CSMD1: variants seen among roughly 807,000 people sequenced by gnomAD.
The protein encoded by CSMD1 is CUB and Sushi multiple domains 1, also known as CUB and sushi domain-containing protein 1.
CSMD1 carries 213 observed loss-of-function variants against 417.5 expected under a neutral mutation model. The ratio of observed to expected loss-of-function variants is 0.51; its 90% CI spans 0.46 to 0.57. The LOEUF (loss-of-function observed/expected upper bound fraction) is 0.57, where lower values mean the gene tolerates loss of function less well. Ranked by LOEUF, CSMD1 falls within the 20% of genes least tolerant of loss-of-function variation. The pLI, the probability that CSMD1 is intolerant of heterozygous loss-of-function variation, is 0.00. For missense variants in CSMD1, 6,923 were observed against 4,529.7 expected (o/e 1.53, Z -15.17); for synonymous variants, 2,862 against 1,736.8 (o/e 1.65, Z -16.11).
At chr8:4,179,732 G>A (rs1479322364) in intron 3 of CSMD1, among the ~76,000 whole-genome samples, 1 of 95,250 alleles carries the variant, frequency 1.0e-5, no homozygotes, top group Non-Finnish European at 2.0e-5. Context: ...AAATTTACAA[G>A]AAAAAAACAA....
At chr8:4,134,148 T>A (rs570606980) in intron 3 of CSMD1, among the ~76,000 whole-genome samples, 3 of 152,200 alleles carry the variant, frequency 2.0e-5, no homozygotes, top group Non-Finnish European at 4.4e-5. Flanking sequence ...TTTAATGACA[T>A]TGAAACTCAT....
At chr8:4,069,622 A>G (rs1050431088) in intron 3 of CSMD1, among the ~76,000 whole-genome samples, 8 of 152,156 alleles carry the variant, frequency 5.3e-5, no homozygotes, top group African/African-American at 1.9e-4. Flanking sequence ...TCTGGCCTGT[A>G]TTCCCCTCAA....
At chr8:4,022,501 A>G (rs1237407294) in intron 4 of CSMD1, among the ~76,000 whole-genome samples, 1 of 152,172 alleles carries the variant, frequency 6.6e-6, no homozygotes, top group Admixed American at 6.5e-5. Flanking sequence ...CTCCGAAGCA[A>G]CATTTGGTAG....
chr8:4,649,348 T>G (rs1198617385), intron 1 of CSMD1, among the ~76,000 whole-genome samples: 1 of 152,192 alleles, frequency 6.6e-6, no homozygotes, highest in Admixed American at 6.5e-5. Flanking sequence ...GTACCTATTA[T>G]AAGGTAAATA....
At chr8:3,192,382 C>G (rs1451031580) in intron 33 of CSMD1, among the ~76,000 whole-genome samples, 5 of 152,156 alleles carry the variant, frequency 3.3e-5, no homozygotes, top group Non-Finnish European at 7.3e-5. Flanking sequence ...GGACCCAAGT[C>G]TAAACATGAA....
At chr8:4,470,729 AAC>A (rs1800481338) in intron 2 of CSMD1, among the ~76,000 whole-genome samples, 1 of 152,228 alleles carries the variant, frequency 6.6e-6, no homozygotes, top group African/African-American at 2.4e-5. Context: ...AGGTAAAATG[AAC>A]ACAGAAAAAC....
At chr8:4,067,135 T>C (rs537471883) in intron 3 of CSMD1, among the ~76,000 whole-genome samples, 22 of 152,340 alleles carry the variant, frequency 1.4e-4, no homozygotes, top group South Asian at 4.1e-4. Context: ...AGTCACTTCA[T>C]GCAAAACCAA....
chr8:3,920,839 A>G (rs111662800), intron 5 of CSMD1, among the ~76,000 whole-genome samples: 1,974 of 152,248 alleles, frequency 0.013, 33 homozygotes, highest in African/African-American at 0.042. Flanking sequence ...ACTGTGGTGT[A>G]TGATCCCTTT....
At chr8:3,316,196 T>A (rs1805744846) in intron 23 of CSMD1, among the ~76,000 whole-genome samples, 1 of 152,230 alleles carries the variant, frequency 6.6e-6, no homozygotes, top group South Asian at 2.1e-4. Context: ...TTGTACAAGG[T>A]GGTAAGAACT....
intron 10 of CSMD1, among the ~76,000 whole-genome samples, chr8:3,574,513 C>A (rs916444389): frequency 6.6e-6 from 1 of 152,178 alleles, no homozygotes; most frequent in Non-Finnish European, 1.5e-5. Context: ...TCCCAAAGTG[C>A]TGGCATTACA....
chr8:4,220,973 G>A (rs910016444), intron 3 of CSMD1, among the ~76,000 whole-genome samples: 6 of 152,174 alleles, frequency 3.9e-5, no homozygotes, highest in South Asian at 2.1e-4. Flanking sequence ...GCGCCCAGAG[G>A]AGCCCTTGGG....
chr8:4,503,900 T>A (rs1363549466), intron 2 of CSMD1, among the ~76,000 whole-genome samples: 1 of 151,712 alleles, frequency 6.6e-6, no homozygotes, highest in Non-Finnish European at 1.5e-5. Flanking sequence ...CCTACCTGAT[T>A]CTGCTTCAAA....
Position 3,718,270 on chromosome 8 carries a change from G to C in CSMD1, c.932-9779C>G, listed in dbSNP as rs182195355. Among the ~76,000 whole-genome samples the C allele has an allele frequency of 2.3e-3, 346 of 149,682 alleles. 11 individuals carry two copies. The highest frequency in any genetic ancestry group is 2.1e-4 in the Non-Finnish European group (14 of 67,576). ...ATTTTGACTGCAGCTCCCATTGTCAGCTTACAAATATTCAGGCATTCCTGC... is the reference window on the plus strand; with the variant it reads ...ATTTTGACTGCAGCTCCCATTGTCACCTTACAAATATTCAGGCATTCCTGC... On this transcript the variant is annotated intron_variant, in intron 6 of 69. Coordinates refer to ENST00000635120, the MANE Select transcript of CSMD1 (RefSeq NM_033225.6).
chr8:4,811,261 A>G (rs1010164393), intron 1 of CSMD1, among the ~76,000 whole-genome samples: 1 of 152,222 alleles, frequency 6.6e-6, no homozygotes, highest in Non-Finnish European at 1.5e-5. Flanking sequence ...TTGAATTTCA[A>G]TTTAACCTGC....
At chr8:4,776,927 T>C (rs1308495086) in intron 1 of CSMD1, among the ~76,000 whole-genome samples, 19 of 152,208 alleles carry the variant, frequency 1.2e-4, no homozygotes, top group Admixed American at 1.2e-3. Context: ...TTACTAAGAT[T>C]AAAGGCACTG....
chr8:3,222,772 A>C (rs2116866698), intron 28 of CSMD1, among the ~76,000 whole-genome samples: 1 of 152,322 alleles, frequency 6.6e-6, no homozygotes, highest in East Asian at 1.9e-4. Flanking sequence ...CATTTGGTAA[A>C]TTTGTGGCAG....
chr8:3,837,731 T>G (rs1802802141), intron 5 of CSMD1, among the ~76,000 whole-genome samples: 1 of 152,108 alleles, frequency 6.6e-6, no homozygotes, highest in African/African-American at 2.4e-5. Context: ...TACCCTCTCC[T>G]TAAAATCCTC....
intron 7 of CSMD1, among the ~76,000 whole-genome samples, chr8:3,679,888 A>G (rs1322260973): frequency 1.3e-5 from 2 of 152,220 alleles, no homozygotes; most frequent in South Asian, 2.1e-4. Flanking sequence ...AACTCACTCA[A>G]AACCACACAA....
At chr8:4,282,168 T>G (rs1283858253) in intron 3 of CSMD1, among the ~76,000 whole-genome samples, 3 of 152,216 alleles carry the variant, frequency 2.0e-5, no homozygotes, top group Non-Finnish European at 4.4e-5. Flanking sequence ...TCAAAATAAC[T>G]TCTGAAGTCA....
Sources: allele counts gnomAD v4.1 joint callset (sites outside exome capture counted in the v4.1 genomes callset), GRCh38; gene constraint gnomAD v4.1.1; transcripts MANE v1.5; gene names NCBI Gene and HGNC (gene_info 2026-07-23, HGNC 2026-07-21).